Variants in PLEC observed in about 807,000 individuals in gnomAD.
The protein encoded by PLEC is plectin.
A neutral mutation model predicts 392.8 loss-of-function variants in PLEC; 216 were observed. The observed-to-expected ratio is 0.55, with a 90% CI of 0.49 to 0.62. The LOEUF is 0.62. Among genes scored for constraint, PLEC ranks in the 20% least tolerant of loss-of-function variants. The pLI, the probability that PLEC is intolerant of heterozygous loss-of-function variation, is 0.00. For missense variants in PLEC, 6,863 were observed against 6,563.4 expected (o/e 1.05, Z -1.58); for synonymous variants, 3,621 against 2,980.6 (o/e 1.21, Z -7.00).
At chr8:143,947,251 G>A (rs1034002748) in intron 1 of PLEC, among the ~76,000 whole-genome samples, 11 of 152,188 alleles carry the variant, frequency 7.2e-5, no homozygotes, top group East Asian at 5.8e-4. Context: ...CGTGTCCTCC[G>A]TGTAGAGGGG....
At position 143,929,741 on chromosome 8, in the gene PLEC, G is replaced by T; in HGVS notation, c.2828C>A (p.Ala943Glu). The change falls in exon 23 of 32, where the codon GCG (alanine) becomes GAG (glutamate). Residue 943 changes from alanine to glutamate, a missense_variant. By Grantham distance (107) the Ala-to-Glu change is moderately radical. Coordinates refer to ENST00000345136, the MANE Select transcript of PLEC (RefSeq NM_201384.3). Reference sequence around the variant, plus strand: ...CCGGTCCTCGGGTCCGAAGCCGCCCGCGTCCTGGCTGTCCCGCAGGAAGGC... The same window carrying T: ...CCGGTCCTCGGGTCCGAAGCCGCCCTCGTCCTGGCTGTCCCGCAGGAAGGC... Reference protein sequence around the residue: ...YQAFLRDSQDAGGFGPEDRLM... With the variant: ...YQAFLRDSQDEGGFGPEDRLM... The T allele has an allele frequency of 6.3e-7, 1 of 1,599,516 alleles. No homozygotes were observed. The highest frequency in any genetic ancestry group is 1.3e-5 in the African/African-American group (1 of 75,008).
At chr8:143,948,643 T>G (rs1423058259) in intron 1 of PLEC, among the ~76,000 whole-genome samples, 2 of 152,214 alleles carry the variant, frequency 1.3e-5, no homozygotes, top group Non-Finnish European at 2.9e-5. Flanking sequence ...TTGGGGGGAC[T>G]GAGTCACCTC....
rs1234670022 is a variant in PLEC at position 143,919,338 on chromosome 8, T to C, written c.10483A>G (p.Ser3495Gly). Residue 3495 changes from serine (S) to glycine (G), a missense_variant, in exon 32 of 32, where the codon AGT (serine) becomes GGT (glycine). Ser to Gly is a moderately conservative substitution (Grantham distance 56). Transcript: ENST00000345136. ...GCCAGGACGCGGTTCATCTCCTCACTGAAGTAGCCGCGCTGGTAGGCCACG... is the reference window on the plus strand; with the variant it reads ...GCCAGGACGCGGTTCATCTCCTCACCGAAGTAGCCGCGCTGGTAGGCCACG... ...VDVAYQRGYF[S>G]EEMNRVLADP... 2 of 1,613,784 alleles carry C rather than the reference T, an allele frequency of 1.2e-6. No homozygotes were observed. Among genetic ancestry groups the C allele is most frequent in the African/African-American group, 1.3e-5 (1 of 74,922 alleles).
rs782649461 is a variant in PLEC, at chr8:143,925,384, C to T, written c.4545G>A (p.Val1515=). 1 of 1,576,364 alleles carries T rather than the reference C, an allele frequency of 6.3e-7. No individual in the cohort carries two copies. Among genetic ancestry groups the T allele is most frequent in the Non-Finnish European group, 8.6e-7 (1 of 1,168,704 alleles). ...CGGCCTTCACGCGCGAGGCCAGCTC[C>T]ACCTCCGCCTGCCGCTTACGCTGGC... ...DESQRKRQAE[V]ELASRVKAEA... The change falls in exon 31 of 32, where the codon GTG becomes GTA. Residue 1515 remains valine, a synonymous_variant. Coordinates refer to ENST00000345136, the MANE Select transcript of PLEC (RefSeq NM_201384.3).
chr8:143,931,186 T>C (rs1317789697), intron 19 of PLEC, among the ~76,000 whole-genome samples: 3 of 152,184 alleles, frequency 2.0e-5, no homozygotes, highest in African/African-American at 7.2e-5. Context: ...AGCTGCTGAC[T>C]TCAGGCTTCC....
At position 143,922,200 on chromosome 8, in the gene PLEC, T is replaced by A. The variant is rs1554688795; in HGVS notation, c.7621A>T (p.Met2541Leu). The change falls in exon 32 of 32, where the codon ATG becomes TTG. Residue 2541 changes from methionine to leucine, a missense_variant. By Grantham distance (15) the Met-to-Leu change is conservative. Transcript: ENST00000345136. ...REEQQRQQQQ[M>L]EQERQRLVAS... ...ACCAGCCGCTGCCGTTCCTGCTCCA[T>A]CTGCTGCTGCTGCCGCTGCTGCTCC... 1 of 1,552,670 alleles carries A rather than the reference T, an allele frequency of 6.4e-7. No homozygotes were observed. Among genetic ancestry groups the A allele is most frequent in the Non-Finnish European group, 8.7e-7 (1 of 1,152,884 alleles).
Position 143,921,738 on chromosome 8 carries a change from G to A in PLEC, c.8083C>T (p.Arg2695Cys), listed in dbSNP as rs782025300. The A allele has an allele frequency of 2.7e-5, 44 of 1,612,512 alleles. No individual in the cohort carries two copies. Among genetic ancestry groups the A allele is most frequent in the Admixed American group, 6.7e-5 (4 of 60,008 alleles). ...REDVRHYLQG[R>C]SSIAGLLLKA... ...AGCAACAGCCCTGCGATACTGCTGC[G>A]GCCCTGCAGGTAGTGGCGCACGTCT... The change falls in exon 32 of 32, where the codon CGC becomes TGC. Residue 2695 changes from arginine (R) to cysteine (C), a missense_variant. Arg to Cys is a radical substitution (Grantham distance 180). Coordinates refer to ENST00000345136, the MANE Select transcript of PLEC (RefSeq NM_201384.3).
chr8:143,916,410 T>C lies in PLEC; in HGVS notation c.13411A>G (p.Thr4471Ala). 1.2e-6 allele frequency: 2 copies of C among 1,611,460 alleles called. No individual in the cohort carries two copies. Among genetic ancestry groups the C allele is most frequent in the South Asian group, 1.1e-5 (1 of 91,072 alleles). The change falls in exon 32 of 32, where the codon ACC becomes GCC. Residue 4471 changes from threonine to alanine, a missense_variant. Thr to Ala is a moderately conservative substitution (Grantham distance 58, BLOSUM62 0). Coordinates refer to ENST00000345136, the MANE Select transcript of PLEC (RefSeq NM_201384.3). ...LRLLEAAAQS[T>A]KGYYSPYSVS... ...CTGTAGGGGCTGTAGTAGCCCTTGG[T>C]GGACTGCGCGGCAGCCTCCAGCAGC...
Position 143,934,860 on chromosome 8 carries a change from T to C in PLEC, c.895A>G (p.Thr299Ala). ...AACCTGCGTTCCTCAAAGGCGGCCGTGTGGTGTCGCATCCACTGAAGCAGC... is the reference window on the plus strand; with the variant it reads ...AACCTGCGTTCCTCAAAGGCGGCCGCGTGGTGTCGCATCCACTGAAGCAGC... ...LLLLQWMRHH[T>A]AAFEERRFPS... The change falls in exon 9 of 32, where the codon ACG (threonine) becomes GCG (alanine). Residue 299 changes from threonine (T) to alanine (A), a missense_variant. By Grantham distance (58) the Thr-to-Ala change is moderately conservative. Transcript: ENST00000345136. 1 of 1,611,420 alleles carries C rather than the reference T, an allele frequency of 6.2e-7. No homozygotes were observed. Among genetic ancestry groups the C allele is most frequent in the Non-Finnish European group, 8.5e-7 (1 of 1,179,794 alleles).
chr8:143,924,744 G>C lies in PLEC; in HGVS notation c.5185C>G (p.Arg1729Gly). The change falls in exon 31 of 32, where the codon CGG becomes GGG. Residue 1729 changes from arginine (R) to glycine (G), a missense_variant. Transcript: ENST00000345136. Reference protein sequence around the residue: ...RAETEQGEQQRQLLEEELARL... With the variant: ...RAETEQGEQQGQLLEEELARL... ...GCCAGCTCCTCCTCCAGCAGCTGCC[G>C]CTGCTGCTCCCCCTGCTCCGTCTCG... 2.0e-6 allele frequency: 3 copies of C among 1,534,594 alleles called. No individual in the cohort carries two copies. The South Asian group carries it at 3.6e-5, about 18-fold the overall frequency.
rs1554669837 is a variant in PLEC at position 143,916,651 on chromosome 8, C to T, written c.13170G>A (p.Val4390=). 6.2e-7 allele frequency: 1 copy of T among 1,610,964 alleles called. No homozygotes were observed. The highest frequency in any genetic ancestry group is 1.3e-5 in the African/African-American group (1 of 74,910). Residue 4390 remains valine, a synonymous_variant, in exon 32 of 32, where the codon GTG becomes GTA. Transcript: ENST00000345136. ...YYEAGQRFLE[V]QYLTGGLIEP... is the part of the protein sequence containing the mutation. Reference sequence around the variant, plus strand: ...CGATCAAGCCGCCGGTCAGGTACTGCACCTCCAGGAAGCGCTGGCCGGCCT... The same window carrying T: ...CGATCAAGCCGCCGGTCAGGTACTGTACCTCCAGGAAGCGCTGGCCGGCCT...
Position 143,934,041 on chromosome 8 carries a change from A to G in PLEC, c.1220T>C (p.Leu407Pro). The change falls in exon 12 of 32, where the codon CTG (leucine) becomes CCG (proline). Residue 407 changes from leucine (L) to proline (P), a missense_variant. Leu to Pro is a moderately conservative substitution (Grantham distance 98, BLOSUM62 -3). Coordinates refer to ENST00000345136, the MANE Select transcript of PLEC (RefSeq NM_201384.3). Reference protein sequence around the residue: ...IVTKLQMEAGLCEEQLNQADA... With the variant: ...IVTKLQMEAGPCEEQLNQADA... ...GGCCTGGTTCAGCTGCTCCTCACAC[A>G]GCCCCGCCTCCATCTGCAGCTTGGT... The G allele has an allele frequency of 6.2e-7, 1 of 1,611,234 alleles. No individual in the cohort carries two copies. Among genetic ancestry groups the G allele is most frequent in the Non-Finnish European group, 8.5e-7 (1 of 1,179,310 alleles).
At position 143,923,571 on chromosome 8, in the gene PLEC, A is replaced by G; in HGVS notation, c.6358T>C (p.Ser2120Pro). The G allele has an allele frequency of 6.3e-7, 1 of 1,593,720 alleles. No homozygotes were observed. Residue 2120 changes from serine to proline, a missense_variant, in exon 31 of 32, where the codon TCG (serine) becomes CCG (proline). Coordinates refer to ENST00000345136, the MANE Select transcript of PLEC (RefSeq NM_201384.3). ...QVEEAERLKQSAEEQAQARAQ... is the reference protein window; with the variant it reads ...QVEEAERLKQPAEEQAQARAQ... ...CGGGCCTGTGCCTGCTCCTCTGCCG[A>G]CTGCTTCAGCCGCTCGGCCTCTTCC...
Position 143,924,551 on chromosome 8 carries a change from G to A in PLEC, c.5378C>T (p.Ala1793Val). The A allele has an allele frequency of 2.6e-6, 4 of 1,543,938 alleles. No homozygotes were observed. Among genetic ancestry groups the A allele is most frequent in the Non-Finnish European group, 3.5e-6 (4 of 1,151,954 alleles). ...CTCGGCCAGCTCGCGGAACCGGCCG[G>A]CCTCGGCCTCCAGCCTCTGCTTGGA... ...EKSKQRLEAE[A>V]GRFRELAEEA... The change falls in exon 31 of 32, where the codon GCC becomes GTC. Residue 1793 changes from alanine to valine, a missense_variant. Physicochemically the swap from Ala to Val is moderately conservative, Grantham distance 64 (BLOSUM62 0). Coordinates refer to ENST00000345136, the MANE Select transcript of PLEC (RefSeq NM_201384.3).
chr8:143,955,600 T>G (rs572581655), upstream of PLEC, among the ~76,000 whole-genome samples: 12 of 152,014 alleles, frequency 7.9e-5, no homozygotes, highest in East Asian at 1.9e-4. Context: ...TGCTGTTTTT[T>G]TTTTGTTTTG....
chr8:143,940,838 A>C (rs1830328162), upstream of PLEC, among the ~76,000 whole-genome samples: 1 of 152,188 alleles, frequency 6.6e-6, no homozygotes. Flanking sequence ...GGGCACAGCC[A>C]GCCCCTAGGG....
chr8:143,916,246 CGAG>C lies in PLEC; in HGVS notation c.13572_13574del (p.Ser4525del), dbSNP rs1224255215. 8.4e-6 allele frequency: 13 copies of C among 1,547,096 alleles called. No individual in the cohort carries two copies. Among genetic ancestry groups the C allele is most frequent in the African/African-American group, 8.2e-5 (6 of 72,908 alleles). On this transcript the variant is annotated inframe_deletion, in exon 32 of 32. Transcript: ENST00000345136. ...CCGAGGCGTAGCGGCGGCCGTAGCC[CGAG>C]GAGGAGTAGGAGGATGAAGAGAAGG...
At chr8:143,972,406 C>A (rs536779818) in intron 1 of PLEC, among the ~76,000 whole-genome samples, 6 of 152,350 alleles carry the variant, frequency 3.9e-5, no homozygotes, top group African/African-American at 1.4e-4. Flanking sequence ...ATCCACCCTG[C>A]CCCAGAGCCG....
chr8:143,936,957 GT>G, intron 5 of PLEC, 21 bp downstream of exon 5: 1 of 1,579,520 alleles, frequency 6.3e-7, no homozygotes, highest in Non-Finnish European at 8.7e-7. Context: ...GGGGGTGGGG[GT>G]CCTGGGGGCA....
Sources: gnomAD v4.1 joint callset for allele counts (sites outside exome capture counted in the v4.1 genomes callset) on GRCh38, gnomAD v4.1.1 for gene constraint, MANE v1.5 for transcripts, NCBI Gene and HGNC (gene_info 2026-07-23, HGNC 2026-07-21) for gene names.